Variants in DGKB observed in about 807,000 individuals in gnomAD.
The protein encoded by DGKB is 90 kDa diacylglycerol kinase.
A neutral mutation model predicts 114.3 loss-of-function variants in DGKB; 67 were observed. That is an observed-to-expected ratio of 0.59 (90% CI 0.48 to 0.72). The LOEUF is 0.72. DGKB is among the 30% of genes least tolerant of loss of function. The probability of loss-of-function intolerance (pLI) is 0.00; values close to 1 mark genes in which losing one functional copy is unlikely to be tolerated. For missense variants in DGKB, 907 were observed against 975.2 expected (o/e 0.93, Z 0.93); for synonymous variants, 398 against 323.1 (o/e 1.23, Z -2.49).
chr7:14,504,683 G>T (rs370941181), intron 20 of DGKB, among the ~76,000 whole-genome samples: 4 of 152,048 alleles, frequency 2.6e-5, no homozygotes, highest in African/African-American at 4.8e-5. Context: ...AAAACACAAA[G>T]AACAATCAGA....
chr7:14,768,899 A>G (rs756129670), intron 2 of DGKB, among the ~76,000 whole-genome samples: 54 of 151,968 alleles, frequency 3.6e-4, no homozygotes, highest in Non-Finnish European at 6.8e-4. Context: ...AACATTTGTT[A>G]TAACAAACTT....
At chr7:14,522,291 G>T (rs998176987) in intron 20 of DGKB, among the ~76,000 whole-genome samples, 1 of 152,094 alleles carries the variant, frequency 6.6e-6, no homozygotes, top group African/African-American at 2.4e-5. Flanking sequence ...AGGAGGTGTG[G>T]GTAGCTTGGG....
Position 14,574,218 on chromosome 7 carries a change from A to T in DGKB, c.1764T>A (p.Ile588=). ...ATTTAGTGGAGAATCTTACCACGCC[A>T]ATGGAAAAGTAATTATTGATGATAC... ...PYSIINNYFS[I]GVDASIAHRF... The change falls in exon 20 of 26, where the codon ATT becomes ATA. Residue 588 remains isoleucine, a synonymous_variant. Transcript: ENST00000402815. 6.2e-7 allele frequency: 1 copy of T among 1,612,440 alleles called. No homozygotes were observed. The highest frequency in any genetic ancestry group is 8.5e-7 in the Non-Finnish European group (1 of 1,179,228).
rs542368634 is a variant in DGKB at position 14,715,751 on chromosome 7, C to T, written c.466+2791G>A. On this transcript the variant is annotated intron_variant, in intron 6 of 25. Transcript: ENST00000402815. ...AGCAAAACAATGTACAGAGGGTTCT[C>T]GAATAACACCCTTTCCTTCTATGAC... 9.6e-4 allele frequency among the ~76,000 whole-genome samples: 146 copies of T among 152,248 alleles called. 2 individuals are homozygous for T. The highest frequency in any genetic ancestry group is 3.4e-3 in the African/African-American group (141 of 41,550).
Position 14,314,587 on chromosome 7 carries a change from G to T in DGKB, c.2122+23928C>A, listed in dbSNP as rs185900934. On this transcript the variant is annotated intron_variant, in intron 23 of 25. Transcript: ENST00000402815. ...GGAGAAGGAAAGTTTAGAGAAAAAA[G>T]AATAAAAAGAAATGAGCAAAGCCTC... Among the ~76,000 whole-genome samples, 844 of 152,148 alleles carry T rather than the reference G, an allele frequency of 5.5e-3. 9 individuals carry two copies. The highest frequency in any genetic ancestry group is 0.019 in the African/African-American group (807 of 41,450).
At chr7:14,358,708 A>G (rs1487669668) in intron 21 of DGKB, among the ~76,000 whole-genome samples, 9 of 152,144 alleles carry the variant, frequency 5.9e-5, no homozygotes, top group African/African-American at 1.9e-4. Context: ...AACAATTGCT[A>G]CAAAGAGAAT....
rs769283846 is a variant in DGKB at position 14,635,720 on chromosome 7, G to C, written c.1135-5452C>G. 1.3e-4 allele frequency among the ~76,000 whole-genome samples: 19 copies of C among 151,352 alleles called. 1 individual carries two copies. The highest frequency in any genetic ancestry group is 2.1e-4 in the Non-Finnish European group (14 of 67,506). On this transcript the variant is annotated intron_variant, in intron 13 of 25. Coordinates refer to ENST00000402815, the MANE Select transcript of DGKB (RefSeq NM_001350709.2). ...ATGTGATTATGTTTGTGTATGTTTG[G>C]GACAGGGATCTGAGGGAAGTTGGTA... is the stretch of plus-strand genomic sequence containing the variant.
In DGKB at chr7:14,673,031, G is replaced by A. The variant is rs1368191293; in HGVS notation, c.1036-4C>T. 1 of 1,542,666 alleles carries A rather than the reference G, an allele frequency of 6.5e-7. No homozygotes were observed. The highest frequency in any genetic ancestry group is 8.8e-7 in the Non-Finnish European group (1 of 1,135,292). On this transcript the variant is annotated splice_region_variant and splice_polypyrimidine_tract_variant and intron_variant, in intron 12 of 25. Transcript: ENST00000402815. ...GAGAAGCACATTTATTATGCAGCTA[G>A]AAAAACAGAAAGGGGGATAGTATCA... is the stretch of plus-strand genomic sequence containing the variant.
At chr7:14,524,101 T>G (rs1282715259) in intron 20 of DGKB, among the ~76,000 whole-genome samples, 1 of 152,218 alleles carries the variant, frequency 6.6e-6, no homozygotes, top group Admixed American at 6.5e-5. Flanking sequence ...AACATATATT[T>G]AACGAATACT....
intron 23 of DGKB, among the ~76,000 whole-genome samples, chr7:14,203,578 T>C (rs1786257098): frequency 6.6e-6 from 1 of 151,960 alleles, no homozygotes; most frequent in Non-Finnish European, 1.5e-5. Context: ...AGCCAGTGCA[T>C]GCATGCAGTT....
At chr7:14,852,487 C>CAAAAACAAAAAAAACAAAAAA (rs1554304205) in intron 1 of DGKB, among the ~76,000 whole-genome samples, 2 of 63,618 alleles carry the variant, frequency 3.1e-5, no homozygotes, top group East Asian at 5.0e-4. Flanking sequence ...TAGTGAAAGT[C>CAAAAACAAAAAAAACAAAAAA]AAAAAAAAAA....
chr7:14,181,303 A>G (rs1782604689), intron 23 of DGKB, among the ~76,000 whole-genome samples: 1 of 152,160 alleles, frequency 6.6e-6, no homozygotes, highest in Non-Finnish European at 1.5e-5. Context: ...TCAGGTCACT[A>G]AGGTTGTCAC....
intron 1 of DGKB, among the ~76,000 whole-genome samples, chr7:14,852,147 A>G (rs1849434906): frequency 6.6e-6 from 1 of 152,216 alleles, no homozygotes; most frequent in Admixed American, 6.5e-5. Flanking sequence ...AAATTAAAAT[A>G]CTGTTACTAT....
chr7:14,796,357 T>C (rs1004399398), intron 2 of DGKB, among the ~76,000 whole-genome samples: 2 of 152,114 alleles, frequency 1.3e-5, no homozygotes, highest in African/African-American at 4.8e-5. Context: ...CTTACACAAT[T>C]CTGCCTAAAA....
At chr7:14,260,415 C>T (rs1253992810) in intron 23 of DGKB, among the ~76,000 whole-genome samples, 1 of 152,152 alleles carries the variant, frequency 6.6e-6, no homozygotes, top group East Asian at 1.9e-4. Flanking sequence ...CAGTTACTAT[C>T]TTGTGTTAGC....
At chr7:14,829,373 C>T (rs1846111109) in intron 2 of DGKB, among the ~76,000 whole-genome samples, 1 of 152,146 alleles carries the variant, frequency 6.6e-6, no homozygotes. Flanking sequence ...TCAGATATCT[C>T]AGCCTACAGG....
intron 23 of DGKB, among the ~76,000 whole-genome samples, chr7:14,222,265 G>GT (rs1160050171): frequency 6.7e-6 from 1 of 150,044 alleles, no homozygotes; most frequent in Non-Finnish European, 1.5e-5. Context: ...TATTTAAGCT[G>GT]TTTTTTTCTT....
intron 2 of DGKB, among the ~76,000 whole-genome samples, chr7:14,774,212 T>C (rs775273902): frequency 1.3e-5 from 2 of 152,190 alleles, no homozygotes; most frequent in Non-Finnish European, 2.9e-5. Context: ...AGAAAACACT[T>C]GGAAAGTATC....
intron 20 of DGKB, among the ~76,000 whole-genome samples, chr7:14,549,769 A>G (rs1794840581): frequency 1.3e-5 from 2 of 152,180 alleles, no homozygotes. Flanking sequence ...TGGGTGGATC[A>G]CAAGGTCAAG....
Sources: allele counts gnomAD v4.1 joint callset (sites outside exome capture counted in the v4.1 genomes callset), GRCh38; gene constraint gnomAD v4.1.1; transcripts MANE v1.5; gene names NCBI Gene and HGNC (gene_info 2026-07-23, HGNC 2026-07-21).